PIGN: variants seen among roughly 807,000 people sequenced by gnomAD.
PIGN encodes the protein GPI ethanolamine phosphate transferase 1.
PIGN carries 117 observed loss-of-function variants against 125.4 expected under a neutral mutation model. The ratio of observed to expected loss-of-function variants is 0.93; its 90% CI spans 0.80 to 1.09. The LOEUF (loss-of-function observed/expected upper bound fraction) is 1.09, where lower values mean the gene tolerates loss of function less well. Ranked by LOEUF, PIGN falls within the 50% of genes least tolerant of loss-of-function variation. The pLI is 0.00. For missense variants in PIGN, 1,075 were observed against 1,094.9 expected (o/e 0.98, Z 0.26); for synonymous variants, 392 against 377.8 (o/e 1.04, Z -0.44).
chr18:62,038,288 T>G (rs2030286386), downstream of PIGN, among the ~76,000 whole-genome samples: 2 of 146,164 alleles, frequency 1.4e-5, no homozygotes, highest in East Asian at 4.1e-4. Flanking sequence ...GAGAGATCAG[T>G]GAATTCAATC....
chr18:62,090,580 TA>T lies in PIGN; in HGVS notation c.2181-3del. 1 of 1,555,480 alleles carries T rather than the reference TA, an allele frequency of 6.4e-7. No individual in the cohort carries two copies. The highest frequency in any genetic ancestry group is 8.8e-7 in the Non-Finnish European group (1 of 1,130,366). On this transcript the variant is annotated splice_polypyrimidine_tract_variant and splice_region_variant and intron_variant, in intron 23 of 30. Coordinates refer to ENST00000640252, the MANE Select transcript of PIGN (RefSeq NM_176787.5). ...ACTAGTGGAAAGAGAGCTTCATACC[TA>T]ACAGGTGGGGAAAGGTAGAAATGAA... is the stretch of plus-strand genomic sequence containing the variant.
At chr18:62,141,388 C>T (rs2036129071) in intron 11 of PIGN, among the ~76,000 whole-genome samples, 1 of 152,232 alleles carries the variant, frequency 6.6e-6, no homozygotes, top group South Asian at 2.1e-4. Context: ...ATTACTAGGC[C>T]TTTCAGCAGT....
chr18:62,182,429 T>C (rs1396157703), intron 1 of PIGN, among the ~76,000 whole-genome samples: 5 of 152,224 alleles, frequency 3.3e-5, no homozygotes, highest in Admixed American at 1.3e-4. Flanking sequence ...TGGCACCACC[T>C]TCCCACCAAG....
At chr18:62,158,110 C>G (rs2036807958) in intron 4 of PIGN, 2 of 242,508 alleles carry the variant, frequency 8.2e-6, no homozygotes, top group Non-Finnish European at 1.6e-5. Flanking sequence ...GTTTGTTATC[C>G]AGAGATAAAA....
At chr18:62,038,540 C>A (rs568333183), downstream of PIGN, among the ~76,000 whole-genome samples, 3 of 152,212 alleles carry the variant, frequency 2.0e-5, no homozygotes, top group East Asian at 5.8e-4. Context: ...TGGCTCCTGC[C>A]AGAAACAGAA....
intron 28 of PIGN, among the ~76,000 whole-genome samples, chr18:62,079,256 C>T (rs1200460928): frequency 2.0e-5 from 3 of 152,138 alleles, no homozygotes; most frequent in Non-Finnish European, 4.4e-5. Flanking sequence ...CATTTTTTCC[C>T]CTGACATTTA....
At chr18:62,159,175 C>T (rs2036851381) in intron 4 of PIGN, among the ~76,000 whole-genome samples, 1 of 152,122 alleles carries the variant, frequency 6.6e-6, no homozygotes, top group South Asian at 2.1e-4. Context: ...ACCTGGGAGG[C>T]AGATGTTGCA....
At chr18:62,057,721 G>A (rs1228235697) in intron 30 of PIGN, among the ~76,000 whole-genome samples, 1 of 152,180 alleles carries the variant, frequency 6.6e-6, no homozygotes, top group Non-Finnish European at 1.5e-5. Flanking sequence ...GGCCATAAGT[G>A]ATAGCAAATA....
intron 14 of PIGN, among the ~76,000 whole-genome samples, chr18:62,126,159 CAAAAATATTATTAT>C (rs1472116540): frequency 1.3e-5 from 2 of 152,026 alleles, no homozygotes; most frequent in African/African-American, 2.4e-5. Flanking sequence ...AAAGCAGTTT[CAAAAATATTATTAT>C]ATATATCACA....
intron 10 of PIGN, among the ~76,000 whole-genome samples, 160 bp from the exon 11 acceptor site, chr18:62,143,506 AT>A (rs955581790): frequency 1.1e-4 from 16 of 152,176 alleles, no homozygotes; most frequent in African/African-American, 3.9e-4. Context: ...GCAAAGGTGT[AT>A]TTTTTTAAAG....
intron 16 of PIGN, 149 bp from the exon 17 acceptor site, chr18:62,110,122 G>A (rs1388141012): frequency 1.7e-5 from 11 of 644,556 alleles, no homozygotes; most frequent in South Asian, 8.3e-5. Context: ...ATTAAGACAA[G>A]GAAAAAAATC....
rs551580938 is a variant in PIGN, at chr18:62,086,423, C to T, written c.2371-1159G>A. 1.7e-4 allele frequency among the ~76,000 whole-genome samples: 26 copies of T among 152,080 alleles called. 1 individual carries two copies. In the South Asian group the frequency reaches 3.5e-3, roughly 21 times the overall value. On this transcript the variant is annotated intron_variant, in intron 25 of 30. Coordinates refer to ENST00000640252, the MANE Select transcript of PIGN (RefSeq NM_176787.5). ...CACGGGGTCAAGAGATCAAGACCAT[C>T]CTGGCCAACATGGTGAAACCCCGTC...
At position 62,154,615 on chromosome 18, in the gene PIGN, T is replaced by A; in HGVS notation, c.479A>T (p.Asp160Val). Residue 160 changes from aspartate to valine, a missense_variant, in exon 7 of 31, where the codon GAT (aspartate) becomes GTT (valine). Coordinates refer to ENST00000640252, the MANE Select transcript of PIGN (RefSeq NM_176787.5). ...SGDHVYTYSY[D>V]AKREDFGAQD... is the part of the protein sequence containing the mutation. ...AGCACCAAAATCCTCTCTTTTAGCA[T>A]CATAACTATATGTATAAACGTGGTC... The A allele has an allele frequency of 6.3e-7, 1 of 1,583,772 alleles. No homozygotes were observed. The highest frequency in any genetic ancestry group is 8.7e-7 in the Non-Finnish European group (1 of 1,154,072).
At chr18:62,143,615 G>A (rs919969446) in intron 10 of PIGN, among the ~76,000 whole-genome samples, 1 of 152,196 alleles carries the variant, frequency 6.6e-6, no homozygotes, top group African/African-American at 2.4e-5. Context: ...CAAAACATCA[G>A]AGGCTGAGGA....
At chr18:62,038,148 TAA>T (rs1470984939), downstream of PIGN, among the ~76,000 whole-genome samples, 3 of 152,188 alleles carry the variant, frequency 2.0e-5, no homozygotes, top group Non-Finnish European at 1.5e-5. Context: ...ATCGGAGGGA[TAA>T]AGTCTGAATC....
chr18:62,017,982 C>G (rs2030002325), intron 23 of PIGN, among the ~76,000 whole-genome samples: 1 of 152,214 alleles, frequency 6.6e-6, no homozygotes, highest in Admixed American at 6.5e-5. Flanking sequence ...TGGCAACGAA[C>G]AGTGTGCACC....
chr18:62,118,756 T>A (rs1385669569), intron 14 of PIGN: 1 of 151,960 alleles, frequency 6.6e-6, no homozygotes, highest in East Asian at 1.9e-4. Flanking sequence ...AACTAACACA[T>A]ATTCTGAGGT....
intron 27 of PIGN, among the ~76,000 whole-genome samples, 182 bp from the exon 28 acceptor site, chr18:62,082,928 C>T (rs2033519121): frequency 6.6e-6 from 1 of 152,010 alleles, no homozygotes; most frequent in African/African-American, 2.4e-5. Context: ...GGTGATGAAA[C>T]TGACTTAAAA....
chr18:62,112,040 T>C (rs1480406639), intron 16 of PIGN, among the ~76,000 whole-genome samples: 2 of 152,186 alleles, frequency 1.3e-5, no homozygotes, highest in Non-Finnish European at 2.9e-5. Flanking sequence ...CCTCACATGC[T>C]ATCTGAGTGG....
Sources: allele counts gnomAD v4.1 joint callset (sites outside exome capture counted in the v4.1 genomes callset), GRCh38; gene constraint gnomAD v4.1.1; transcripts MANE v1.5; gene names NCBI Gene and HGNC (gene_info 2026-07-23, HGNC 2026-07-21).